CD2AP: variants seen among roughly 807,000 people sequenced by gnomAD.
CD2AP encodes the protein CD2-associated protein.
In CD2AP, 46 loss-of-function variants were observed where a neutral mutation model predicts 85.1. That is an observed-to-expected ratio of 0.54 (90% CI 0.43 to 0.69). The LOEUF (loss-of-function observed/expected upper bound fraction) is 0.69. CD2AP is among the 30% of genes least tolerant of loss of function. The pLI, the probability that CD2AP is intolerant of heterozygous loss-of-function variation, is 0.00. For synonymous variants in CD2AP, 255 were observed against 252.9 expected (o/e 1.01, Z -0.08); for missense variants, 769 against 729.5 (o/e 1.05, Z -0.62).
At chr6:47,566,323 T>TATACATATATATATATATACACAC in intron 5 of CD2AP, among the ~76,000 whole-genome samples, 79 of 108,452 alleles carry the variant, frequency 7.3e-4, no homozygotes, top group African/African-American at 2.3e-3. Context: ...TATATATATA[T>TATACATATATATATATATACACAC]ACACATACAC....
intron 2 of CD2AP, among the ~76,000 whole-genome samples, chr6:47,523,207 A>G (rs1443136311): frequency 6.6e-6 from 1 of 152,074 alleles, no homozygotes; most frequent in African/African-American, 2.4e-5. Flanking sequence ...TCATATAGAG[A>G]ACATTTTGAT....
chr6:47,592,748 G>A (rs1014571751), intron 11 of CD2AP, among the ~76,000 whole-genome samples: 5 of 152,064 alleles, frequency 3.3e-5, no homozygotes, highest in Admixed American at 1.3e-4. Flanking sequence ...CACATTGAGG[G>A]GATAGGAAGG....
intron 1 of CD2AP, among the ~76,000 whole-genome samples, chr6:47,499,307 A>G (rs200388357): frequency 1.2e-4 from 18 of 150,242 alleles, no homozygotes; most frequent in African/African-American, 3.4e-4. Context: ...GTGTATGTGC[A>G]TGTGTGTGTG....
intron 11 of CD2AP, among the ~76,000 whole-genome samples, chr6:47,589,619 A>G (rs146083274): frequency 1.1e-4 from 16 of 149,234 alleles, no homozygotes; most frequent in African/African-American, 2.7e-4. Flanking sequence ...AGAGCTACAA[A>G]TAAAATGAAG....
chr6:47,601,395 T>G (rs1769127800), intron 13 of CD2AP, among the ~76,000 whole-genome samples: 1 of 152,020 alleles, frequency 6.6e-6, no homozygotes, highest in Non-Finnish European at 1.5e-5. Context: ...TGTTCTTTAT[T>G]CCTTCCACTT....
At chr6:47,610,836 C>A (rs1769408641) in intron 16 of CD2AP, among the ~76,000 whole-genome samples, 1 of 150,904 alleles carries the variant, frequency 6.6e-6, no homozygotes, top group African/African-American at 2.4e-5. Flanking sequence ...TTAGAGAATT[C>A]TCCTGATTCG....
At chr6:47,584,242 TC>T (rs1296660473) in intron 11 of CD2AP, among the ~76,000 whole-genome samples, 1 of 152,212 alleles carries the variant, frequency 6.6e-6, no homozygotes, top group Non-Finnish European at 1.5e-5. Flanking sequence ...ATCAATTACT[TC>T]TTTTATGGAT....
chr6:47,612,569 T>C, intron 17 of CD2AP, 33 bp downstream of exon 17: 1 of 1,473,178 alleles, frequency 6.8e-7, no homozygotes, highest in Non-Finnish European at 9.5e-7. Context: ...GAGAGTTTAG[T>C]GAGCATAAAC....
Position 47,598,935 on chromosome 6 carries a change from TA to T in CD2AP, c.1275-357del, listed in dbSNP as rs998590099. ...ATAATCTAAAATAATAAAAAAAATT[TA>T]AAAAAAAATACAGGAGCATTCTGTA... On this transcript the variant is annotated intron_variant, in intron 12 of 17. Transcript: ENST00000359314. Among the ~76,000 whole-genome samples the T allele has an allele frequency of 1.2e-3, 174 of 149,634 alleles. 5 individuals carry two copies. Among genetic ancestry groups the T allele is most frequent in the African/African-American group, 3.9e-3 (161 of 41,090 alleles).
chr6:47,566,323 T>TATATATATATACAC, intron 5 of CD2AP, among the ~76,000 whole-genome samples: 1 of 108,454 alleles, frequency 9.2e-6, no homozygotes, highest in South Asian at 3.5e-4. Flanking sequence ...TATATATATA[T>TATATATATATACAC]ACACATACAC....
At chr6:47,621,587 TC>T (rs1769747667) in intron 17 of CD2AP, among the ~76,000 whole-genome samples, 1 of 152,228 alleles carries the variant, frequency 6.6e-6, no homozygotes, top group African/African-American at 2.4e-5. Context: ...TCCTTCTTTC[TC>T]TATCTTGTGG....
chr6:47,554,837 T>C (rs534348943), intron 5 of CD2AP, 71 bp downstream of exon 5: 5 of 1,427,576 alleles, frequency 3.5e-6, no homozygotes. Flanking sequence ...TTATTTTGTA[T>C]TTTTTGAAAC....
intron 11 of CD2AP, among the ~76,000 whole-genome samples, chr6:47,590,501 A>G (rs984728374): frequency 6.6e-6 from 1 of 152,184 alleles, no homozygotes; most frequent in Non-Finnish European, 1.5e-5. Flanking sequence ...TTTGAACTAT[A>G]TGGGGTCCAC....
At chr6:47,560,831 T>C (rs940191478) in intron 5 of CD2AP, among the ~76,000 whole-genome samples, 2 of 152,230 alleles carry the variant, frequency 1.3e-5, no homozygotes, top group African/African-American at 4.8e-5. Context: ...CATCAGACTT[T>C]CACTCAACAG....
In CD2AP at chr6:47,478,162, G is replaced by C. The variant is rs1765351600; in HGVS notation, c.-83G>C. On this transcript the variant is annotated 5_prime_UTR_variant, in exon 1 of 18. Coordinates refer to ENST00000359314, the MANE Select transcript of CD2AP (RefSeq NM_012120.3). ...GCGCGGAGCGCGGGTCCCGCCTCCAGCCGCGGGAGCGGCCGCGCGAGCCAC... is the reference window on the plus strand; with the variant it reads ...GCGCGGAGCGCGGGTCCCGCCTCCACCCGCGGGAGCGGCCGCGCGAGCCAC... 1.3e-6 allele frequency: 2 copies of C among 1,531,594 alleles called. No individual in the cohort carries two copies. Among genetic ancestry groups the C allele is most frequent in the Non-Finnish European group, 1.8e-6 (2 of 1,131,576 alleles). 94.9% of individuals were successfully genotyped at this position (1,531,594 alleles called of 1,614,324 possible). A position where few individuals can be genotyped will look rare whatever the true frequency, so the allele number is the denominator to read the frequency against.
In CD2AP at chr6:47,540,486, A is replaced by G. The variant is rs1220843848; in HGVS notation, c.320-4120A>G. On this transcript the variant is annotated intron_variant, in intron 3 of 17. Transcript: ENST00000359314. ...GGAATTATTTTTTTCTTTTTAAAAT[A>G]AATGACTCATAATTTGTGGTAATAA... Among the ~76,000 whole-genome samples the G allele has an allele frequency of 5.3e-5, 8 of 152,298 alleles. No homozygotes were observed. In the East Asian group the frequency reaches 1.5e-3, roughly 29 times the overall value.
chr6:47,505,020 T>TTTC (rs2113983245), intron 2 of CD2AP, among the ~76,000 whole-genome samples: 1 of 83,650 alleles, frequency 1.2e-5, no homozygotes, highest in East Asian at 2.7e-4. Flanking sequence ...TCTTTTTTTT[T>TTTC]TTTTTTTTTT....
At position 47,573,484 on chromosome 6, in the gene CD2AP, G is replaced by GTTTT. The variant is rs765430650; in HGVS notation, c.542-561_542-558dup. Among the ~76,000 whole-genome samples the GTTTT allele has an allele frequency of 2.4e-3, 227 of 94,692 alleles. 1 individual carries two copies. Among genetic ancestry groups the GTTTT allele is most frequent in the Non-Finnish European group, 3.2e-3 (156 of 48,936 alleles). The allele number at this position is 94,692 out of a possible 152,430, so 62.1% of individuals were successfully genotyped here. A position where few individuals can be genotyped will look rare whatever the true frequency, so the allele number is the denominator to read the frequency against. Reference sequence around the variant, plus strand: ...AAAGCTATAAATTGACATGCTGTGTGTTTTTTTTTTTTTTTTTTTTTTGAG... The same window carrying GTTTT: ...AAAGCTATAAATTGACATGCTGTGTGTTTTTTTTTTTTTTTTTTTTTTTTTTGAG... On this transcript the variant is annotated intron_variant, in intron 5 of 17. Transcript: ENST00000359314.
chr6:47,606,987 C>G (rs2114146603), intron 14 of CD2AP, among the ~76,000 whole-genome samples: 1 of 152,176 alleles, frequency 6.6e-6, no homozygotes, highest in Admixed American at 6.6e-5. Flanking sequence ...TTCCCAGCCT[C>G]TGATAACCAT....
Sources: allele counts gnomAD v4.1 joint callset (sites outside exome capture counted in the v4.1 genomes callset), GRCh38; gene constraint gnomAD v4.1.1; transcripts MANE v1.5; gene names NCBI Gene and HGNC (gene_info 2026-07-23, HGNC 2026-07-21).